MFGE8: variants seen among roughly 807,000 people sequenced by gnomAD.
MFGE8 encodes lactadherin.
A neutral mutation model predicts 42.6 loss-of-function variants in MFGE8; 34 were observed. That is an observed-to-expected ratio of 0.80 (90% CI 0.61 to 1.06). The LOEUF (loss-of-function observed/expected upper bound fraction) is 1.06. Ranked by LOEUF, MFGE8 falls within the 50% of genes least tolerant of loss-of-function variation. MFGE8 has a pLI of 0.00. For missense variants in MFGE8, 510 were observed against 516.9 expected (o/e 0.99, Z 0.13); for synonymous variants, 230 against 214.8 (o/e 1.07, Z -0.62).
chr15:88,901,712 T>A lies in MFGE8; in HGVS notation c.709A>T (p.Lys237Ter), dbSNP rs1340296418. The change falls in exon 6 of 8, where the codon AAG becomes TAG. Residue 237 changes from lysine to a stop codon, truncating the protein, a stop_gained. Transcript: ENST00000268150. LOFTEE classifies it high-confidence loss of function. ...LNGCANPLGL[K>*]NNSIPDKQIT... is the part of the protein sequence containing the mutation. The stretch of plus-strand genomic sequence containing the variant: ...TGCTTGTCAGGGATGCTGTTATTCT[T>A]CAGGCCCAGGGGATTGGCGCATCCT... 3 of 1,613,736 alleles carry A rather than the reference T, an allele frequency of 1.9e-6. No individual in the cohort carries two copies. In the East Asian group the frequency reaches 6.7e-5, roughly 36 times the overall value.
In MFGE8 at chr15:88,905,518, T is replaced by C. The variant is rs1898627448; in HGVS notation, c.685+239A>G. The C allele has an allele frequency of 1.5e-6, 1 of 685,146 alleles. No individual in the cohort carries two copies. Among genetic ancestry groups the C allele is most frequent in the African/African-American group, 1.8e-5 (1 of 56,864 alleles). The allele number at this position is 685,146 out of a possible 1,614,324, so 42.4% of individuals were successfully genotyped here. On this transcript the variant is annotated intron_variant, in intron 5 of 7. Transcript: ENST00000268150. This position sits in a 1 kb window ranked among gnomAD's most constrained non-coding sequence, Gnocchi z 6.6. Reference sequence around the variant, plus strand: ...GAAGAAGGGAAAATACTTTGAAAACTGATGTCTTTTTCTCTATCAATCAGA... The same window carrying C: ...GAAGAAGGGAAAATACTTTGAAAACCGATGTCTTTTTCTCTATCAATCAGA...
intron 6 of MFGE8, chr15:88,900,625 T>C: frequency 2.6e-6 from 2 of 772,810 alleles, no homozygotes; most frequent in Non-Finnish European, 1.6e-6. Context: ...GGACACACAG[T>C]TCCCCAACAT....
intron 6 of MFGE8, among the ~76,000 whole-genome samples, chr15:88,901,305 TCACACACACACATTCACACACA>T (rs1464975592): frequency 1.4e-5 from 1 of 69,640 alleles, no homozygotes; most frequent in African/African-American, 4.0e-5. Context: ...ATTCACACAC[TCACACACACACATTCACACACA>T]CACACACATA....
At chr15:88,913,160 A>T (rs1899048116) in intron 1 of MFGE8, 87 bp downstream of exon 1, 2 of 1,456,856 alleles carry the variant, frequency 1.4e-6, no homozygotes, top group South Asian at 2.7e-5. Context: ...GTTTGTCAAC[A>T]GTGGAGGTGG....
chr15:88,905,814 T>TG lies in MFGE8; in HGVS notation c.627dup (p.Thr210HisfsTer12). 2.5e-6 allele frequency: 4 copies of TG among 1,614,186 alleles called. No individual in the cohort carries two copies. Among genetic ancestry groups the TG allele is most frequent in the Non-Finnish European group, 3.4e-6 (4 of 1,180,032 alleles). On this transcript the variant is annotated frameshift_variant, in exon 5 of 8. Transcript: ENST00000268150. LOFTEE classifies it high-confidence loss of function. The surrounding 1 kb of genome is among the most constrained non-coding windows in gnomAD (Gnocchi z 6.6). ...AGAGTGCAGGCCGTGTGGCAGCTCG[T>TG]GGGGTACAATCTCACGTACTGAGCC...
At chr15:88,900,799 C>G (rs192349661) in intron 6 of MFGE8, 1 of 957,208 alleles carries the variant, frequency 1.0e-6, no homozygotes, top group Admixed American at 6.2e-5. Flanking sequence ...ATGGTGGCTT[C>G]TTAGACACTG....
Position 88,906,749 on chromosome 15 carries a change from T to A in MFGE8, c.417A>T (p.Thr139=), listed in dbSNP as rs747072112. The change falls in exon 4 of 8, where the codon ACA becomes ACT. Residue 139 remains threonine (T), a synonymous_variant. Transcript: ENST00000268150. The surrounding 1 kb of genome is among the most constrained non-coding windows in gnomAD (Gnocchi z 4.2). The stretch of plus-strand genomic sequence containing the variant: ...GGCTGGCACCCTGCGTCACCACACC[T>A]GTTACCCACATCCTCCGCAGCAGGT... ...QVNLLRRMWV[T]GVVTQGASRL... is the part of the protein sequence containing the mutation. 6.2e-7 allele frequency: 1 copy of A among 1,613,400 alleles called. No homozygotes were observed. Among genetic ancestry groups the A allele is most frequent in the East Asian group, 2.2e-5 (1 of 44,860 alleles).
At chr15:88,912,856 C>G (rs1899032395) in intron 1 of MFGE8, 1 of 985,450 alleles carries the variant, frequency 1.0e-6, no homozygotes, top group Non-Finnish European at 1.2e-6. Context: ...GTTATCCAGA[C>G]AAGACTTATC....
Position 88,907,306 on chromosome 15 carries a change from A to G in MFGE8, c.276T>C (p.Arg92=). 1.2e-6 allele frequency: 2 copies of G among 1,614,190 alleles called. No individual in the cohort carries two copies. The highest frequency in any genetic ancestry group is 1.7e-6 in the Non-Finnish European group (2 of 1,180,036). Residue 92 remains arginine (R), a synonymous_variant, in exon 3 of 8, where the codon CGT becomes CGC. Coordinates refer to ENST00000268150, the MANE Select transcript of MFGE8 (RefSeq NM_005928.4). The part of the protein sequence containing the change: ...ANSQIAASSV[R]VTFLGLQHWV... ...AATGCTGCAAACCCAAGAAGGTCAC[A>G]CGCACAGACGAGGCGGCGATCTGTG... is the stretch of plus-strand genomic sequence containing the variant.
chr15:88,908,722 GCAACC>G (rs1898814929), intron 2 of MFGE8, among the ~76,000 whole-genome samples: 1 of 152,142 alleles, frequency 6.6e-6, no homozygotes, highest in African/African-American at 2.4e-5. Context: ...GATTGCCTTA[GCAACC>G]CGTCCGCCAA....
At chr15:88,910,408 C>G (rs1163207290) in intron 1 of MFGE8, 1 of 248,284 alleles carries the variant, frequency 4.0e-6, no homozygotes, top group African/African-American at 2.2e-5. Flanking sequence ...CAGATGTCAC[C>G]TCCAATGGCA....
In MFGE8 at chr15:88,913,286, C is replaced by A. The variant is rs983065851; in HGVS notation, c.34G>T (p.Gly12Cys). 2.0e-6 allele frequency: 3 copies of A among 1,482,812 alleles called. No homozygotes were observed. Among genetic ancestry groups the A allele is most frequent in the South Asian group, 2.6e-5 (2 of 77,826 alleles). 91.9% of individuals were successfully genotyped at this position (1,482,812 alleles called of 1,614,324 possible). The change falls in exon 1 of 8, where the codon GGC becomes TGC. Residue 12 changes from glycine (G) to cysteine (C), a missense_variant. By Grantham distance (159) the Gly-to-Cys change is radical. Coordinates refer to ENST00000268150, the MANE Select transcript of MFGE8 (RefSeq NM_005928.4). ...AGGCTGGGGGCGCAGAGCAGCGCGC[C>A]GCACAGCGCGGCCAGCAGGCGGGGG... Reference protein sequence around the residue: ...PRPRLLAALCGALLCAPSLLV... With the variant: ...PRPRLLAALCCALLCAPSLLV...
chr15:88,908,814 C>A (rs1180872875), intron 2 of MFGE8, among the ~76,000 whole-genome samples: 2 of 152,176 alleles, frequency 1.3e-5, no homozygotes, highest in South Asian at 4.1e-4. Context: ...GGCCCCAGGG[C>A]CACTTGGGAG....
At position 88,906,681 on chromosome 15, in the gene MFGE8, TAGGCCACCTTGAAGGCCTTC is replaced by T. The variant is rs529674204; in HGVS notation, c.465_484del (p.Lys156GlnfsTer3). ...ATCGAATTCGTGTCCATTAAGGCTG[TAGGCCACCTTGAAGGCCTTC>T]AGGTACTCATGACTGGCCAAGCGGC... On this transcript the variant is annotated frameshift_variant, in exon 4 of 8. Transcript: ENST00000268150. LOFTEE classifies it high-confidence loss of function. The surrounding 1 kb of genome is among the most constrained non-coding windows in gnomAD (Gnocchi z 4.2). 6 of 1,614,058 alleles carry T rather than the reference TAGGCCACCTTGAAGGCCTTC, an allele frequency of 3.7e-6. No individual in the cohort carries two copies. The highest frequency in any genetic ancestry group is 5.1e-6 in the Non-Finnish European group (6 of 1,179,968).
intron 1 of MFGE8, chr15:88,912,059 C>T (rs1230334682): frequency 8.0e-7 from 1 of 1,247,540 alleles, no homozygotes; most frequent in African/African-American, 1.5e-5. Flanking sequence ...CTACACTGCT[C>T]CAGGGCAAAA....
Position 88,901,590 on chromosome 15 carries a change from G to A in MFGE8, c.831C>T (p.Ala277=). The A allele has an allele frequency of 1.3e-6, 2 of 1,540,238 alleles. No homozygotes were observed. Among genetic ancestry groups the A allele is most frequent in the Non-Finnish European group, 1.8e-6 (2 of 1,133,852 alleles). The change falls in exon 6 of 8, where the codon GCC becomes GCT. Residue 277 remains alanine (A), a synonymous_variant. Coordinates refer to ENST00000268150, the MANE Select transcript of MFGE8 (RefSeq NM_005928.4). ...CGTTACCGTAGCTCCCCGCAACCCA[G>A]GCGTTGAAGTTGCCCTGCTTGTCCA... ...ARLDKQGNFN[A]WVAGSYGNDQ... is the part of the protein sequence containing the mutation.
rs552459307 is a variant in MFGE8 at position 88,906,307 on chromosome 15, T to A, written c.540+319A>T. ...GCTTAGCAATGACATCCTTGAGCAG[T>A]GTACAACCTACACAACTGTACATGT... On this transcript the variant is annotated intron_variant, in intron 4 of 7. Coordinates refer to ENST00000268150, the MANE Select transcript of MFGE8 (RefSeq NM_005928.4). The surrounding 1 kb of genome is among the most constrained non-coding windows in gnomAD (Gnocchi z 4.2). 2.2e-6 allele frequency: 1 copy of A among 462,490 alleles called. No homozygotes were observed. Among genetic ancestry groups the A allele is most frequent in the African/African-American group, 2.0e-5 (1 of 50,584 alleles). 28.6% of individuals were successfully genotyped at this position (462,490 alleles called of 1,614,324 possible). A position where few individuals can be genotyped will look rare whatever the true frequency, so the allele number is the denominator to read the frequency against.
At position 88,905,086 on chromosome 15, in the gene MFGE8, TC is replaced by T. The variant is rs1898605816; in HGVS notation, c.685+670del. On this transcript the variant is annotated intron_variant, in intron 5 of 7. Coordinates refer to ENST00000268150, the MANE Select transcript of MFGE8 (RefSeq NM_005928.4). The surrounding 1 kb of genome is among the most constrained non-coding windows in gnomAD (Gnocchi z 6.6). ...TGCAGAAATCTGTCCCTTTATGGTC[TC>T]CCCAGCTCTTCATCTGGGAATCTCT... Among the ~76,000 whole-genome samples the T allele has an allele frequency of 1.3e-5, 2 of 152,188 alleles. No homozygotes were observed. Among genetic ancestry groups the T allele is most frequent in the African/African-American group, 4.8e-5 (2 of 41,440 alleles).
In MFGE8 at chr15:88,902,980, G is replaced by C. The variant is rs1898502592; in HGVS notation, c.686-1245C>G. 6.6e-6 allele frequency: 1 copy of C among 152,234 alleles called. No individual in the cohort carries two copies. The highest frequency in any genetic ancestry group is 2.1e-4 in the South Asian group (1 of 4,820). 9.4% of individuals were successfully genotyped at this position (152,234 alleles called of 1,614,324 possible). On this transcript the variant is annotated intron_variant, in intron 5 of 7. Transcript: ENST00000268150. The surrounding 1 kb of genome is among the most constrained non-coding windows in gnomAD (Gnocchi z 4.3). The stretch of plus-strand genomic sequence containing the variant: ...ACCACTCAAGACATTTGCCTCCAGG[G>C]TGTGTTGACAATGCCTGCTGATGGT...
Sources: gnomAD v4.1 joint callset for allele counts (sites outside exome capture counted in the v4.1 genomes callset) on GRCh38, gnomAD v4.1.1 for gene constraint, Gnocchi (gnomAD v3.1) non-coding constraint, MANE v1.5 for transcripts, NCBI Gene and HGNC (gene_info 2026-07-23, HGNC 2026-07-21) for gene names.